TRIM67: variants seen among roughly 807,000 people sequenced by gnomAD.
The protein encoded by TRIM67 is tripartite motif containing 67.
TRIM67 carries 39 observed loss-of-function variants against 71.0 expected under a neutral mutation model. That is an observed-to-expected ratio of 0.55 (90% CI 0.43 to 0.72). The LOEUF is 0.72. TRIM67 is among the 30% of genes least tolerant of loss of function. The pLI is 0.00. For missense variants in TRIM67, 973 were observed against 1,079.2 expected, an observed-to-expected ratio of 0.90 and a Z score of 1.38; for synonymous variants, 481 against 473.9, an observed-to-expected ratio of 1.01 and a Z score of -0.19.
chr1:231,202,532 G>T (rs1333548471), intron 5 of TRIM67, among the ~76,000 whole-genome samples: 3 of 152,108 alleles, frequency 2.0e-5, no homozygotes, highest in African/African-American at 2.4e-5. Context: ...AGCAAATGCT[G>T]GCCAGAACCG....
At chr1:231,180,380 A>G (rs1682866564) in intron 1 of TRIM67, among the ~76,000 whole-genome samples, 1 of 152,178 alleles carries the variant, frequency 6.6e-6, no homozygotes, top group South Asian at 2.1e-4. Context: ...AAAGTCTCTA[A>G]TTAAGAAAAA....
chr1:231,199,210 T>C lies in TRIM67; in HGVS notation c.1263+41T>C, dbSNP rs960882216. ...ACTGACACATTGAATCCCTGCCACA[T>C]CCTCTGCACCCAGCGTGGGGTGGAG... On this transcript the variant is annotated intron_variant, in intron 3 of 9. Coordinates refer to ENST00000366653, the MANE Select transcript of TRIM67 (RefSeq NM_001004342.5). The C allele has an allele frequency of 2.5e-6, 4 of 1,599,810 alleles. No homozygotes were observed. In the Admixed American group the frequency reaches 5.0e-5, roughly 20 times the overall value.
At chr1:231,214,647 C>T (rs1683962872) in intron 9 of TRIM67, among the ~76,000 whole-genome samples, 1 of 151,660 alleles carries the variant, frequency 6.6e-6, no homozygotes, top group Non-Finnish European at 1.5e-5. Context: ...GGCATGGTAG[C>T]GGGTGCCTGT....
rs180962168 is a variant in TRIM67 at position 231,221,526 on chromosome 1, G to T, written c.*6086G>T. On this transcript the variant is annotated 3_prime_UTR_variant, in exon 10 of 10. Transcript: ENST00000366653. ...CTGAGTTTTACCACAGTCTTAAGCA[G>T]ATTTGAAATAAATTCTTTTGACACT... 1.3e-5 allele frequency: 2 copies of T among 152,612 alleles called. No homozygotes were observed. Among genetic ancestry groups the T allele is most frequent in the African/African-American group, 4.8e-5 (2 of 41,438 alleles). The allele number at this position is 152,612 out of a possible 1,614,324, so 9.5% of individuals were successfully genotyped here.
In TRIM67 at chr1:231,206,725, T is replaced by C; in HGVS notation, c.1754T>C (p.Val585Ala). ...LHFNSTYNARVKAFNSSGVGP... is the reference protein window; with the variant it reads ...LHFNSTYNARAKAFNSSGVGP... The stretch of plus-strand genomic sequence containing the variant: ...TTCAACAGCACCTACAACGCCCGAG[T>C]CAAAGCTTTCAACTCTTCTGGTGTC... The change falls in exon 7 of 10, where the codon GTC becomes GCC. Residue 585 changes from valine (V) to alanine (A), a missense_variant. Val to Ala is a moderately conservative substitution (Grantham distance 64, BLOSUM62 0). Transcript: ENST00000366653. 1 of 1,611,060 alleles carries C rather than the reference T, an allele frequency of 6.2e-7. No homozygotes were observed. Among genetic ancestry groups the C allele is most frequent in the Non-Finnish European group, 8.5e-7 (1 of 1,178,774 alleles).
chr1:231,164,110 C>A, intron 1 of TRIM67, 97 bp downstream of exon 1: 1 of 1,335,752 alleles, frequency 7.5e-7, no homozygotes, highest in South Asian at 2.0e-5. Flanking sequence ...GAAAGTCGGT[C>A]AGAGGGTCAG....
At position 231,198,503 on chromosome 1, in the gene TRIM67, C is replaced by T. The variant is rs184787899; in HGVS notation, c.1141-544C>T. On this transcript the variant is annotated intron_variant, in intron 2 of 9. Coordinates refer to ENST00000366653, the MANE Select transcript of TRIM67 (RefSeq NM_001004342.5). ...CCAGGTTCAAGCAATTCTCCTGCCT[C>T]AGCCCCCTGAGTAGCTGGGATTACA... is the stretch of plus-strand genomic sequence containing the variant. Among the ~76,000 whole-genome samples the T allele has an allele frequency of 1.7e-3, 264 of 152,318 alleles. 1 individual carries two copies. Among genetic ancestry groups the T allele is most frequent in the African/African-American group, 6.1e-3 (252 of 41,572 alleles).
intron 1 of TRIM67, among the ~76,000 whole-genome samples, chr1:231,174,152 C>CTTTTTTTTTTTTTTTTTTTTTTT (rs35651112): frequency 2.4e-5 from 3 of 127,352 alleles, no homozygotes; most frequent in Non-Finnish European, 4.9e-5. Flanking sequence ...GTCTTATTTT[C>CTTTTTTTTTTTTTTTTTTTTTTT]TTTTTTTTTT....
Position 231,218,456 on chromosome 1 carries a change from G to T in TRIM67, c.*3016G>T. 1.7e-5 allele frequency: 17 copies of T among 985,530 alleles called. No individual in the cohort carries two copies. Among genetic ancestry groups the T allele is most frequent in the Non-Finnish European group, 2.0e-5 (17 of 830,026 alleles). The allele number at this position is 985,530 out of a possible 1,614,324, so 61.0% of individuals were successfully genotyped here. A position where few individuals can be genotyped will look rare whatever the true frequency, so the allele number is the denominator to read the frequency against. On this transcript the variant is annotated 3_prime_UTR_variant, in exon 10 of 10. Transcript: ENST00000366653. ...GCAGTTGTTCTTTGCTAGTGAGCAA[G>T]CTTGGTCAAAGTGTATGCCTTTTCC...
chr1:231,191,010 C>T (rs1683216195), intron 1 of TRIM67, among the ~76,000 whole-genome samples: 1 of 152,156 alleles, frequency 6.6e-6, no homozygotes, highest in African/African-American at 2.4e-5. Context: ...TCAAGGCTCC[C>T]CACCATATTT....
intron 1 of TRIM67, among the ~76,000 whole-genome samples, chr1:231,190,548 C>T (rs148524689): frequency 1.3e-3 from 195 of 152,260 alleles, no homozygotes; most frequent in African/African-American, 4.6e-3. Context: ...CTTCAGCCTG[C>T]GGCCCCCGGC....
Position 231,209,932 on chromosome 1 carries a change from C to T in TRIM67, c.2123+682C>T, listed in dbSNP as rs1417161284. On this transcript the variant is annotated intron_variant, in intron 8 of 9. Transcript: ENST00000366653. The surrounding 1 kb of genome is among the most constrained non-coding windows in gnomAD (Gnocchi z 4.1). ...GCAGATGGGGATGGGTCCTCCAGGG[C>T]TGCCCCTGAGGCCTGGGCTTCTCTA... Among the ~76,000 whole-genome samples the T allele has an allele frequency of 6.6e-6, 1 of 152,168 alleles. No individual in the cohort carries two copies. The highest frequency in any genetic ancestry group is 1.5e-5 in the Non-Finnish European group (1 of 68,010).
At chr1:231,214,952 T>C (rs113568238) in intron 9 of TRIM67, among the ~76,000 whole-genome samples, 1,852 of 152,194 alleles carry the variant, frequency 0.012, 45 homozygotes, top group African/African-American at 0.042. Flanking sequence ...ACAGATAAGC[T>C]TTTTTTAATC....
At chr1:231,215,316 G>T in intron 9 of TRIM67, 59 bp from the exon 10 acceptor site, 1 of 1,580,178 alleles carries the variant, frequency 6.3e-7, no homozygotes, top group Non-Finnish European at 8.6e-7. Flanking sequence ...TGCTGTCAGA[G>T]CCCTCAGGGT....
At position 231,213,805 on chromosome 1, in the gene TRIM67, C is replaced by A; in HGVS notation, c.2124-10C>A. 1 of 1,572,928 alleles carries A rather than the reference C, an allele frequency of 6.4e-7. No individual in the cohort carries two copies. The highest frequency in any genetic ancestry group is 8.6e-7 in the Non-Finnish European group (1 of 1,156,308). ...TGTGGTGATGGTCTTCCTGGGGACT[C>A]TCTTCCCAGGACGGAAGGTGGCGTG... On this transcript the variant is annotated splice_polypyrimidine_tract_variant and intron_variant, in intron 8 of 9. Coordinates refer to ENST00000366653, the MANE Select transcript of TRIM67 (RefSeq NM_001004342.5).
At chr1:231,199,302 C>T (rs1683457365) in intron 3 of TRIM67, 133 bp downstream of exon 3, 2 of 898,058 alleles carry the variant, frequency 2.2e-6, no homozygotes, top group African/African-American at 1.6e-5. Context: ...ATGAATGAGG[C>T]AAGGAAGGGA....
At position 231,163,356 on chromosome 1, in the gene TRIM67, C is replaced by T. The variant is rs891799507; in HGVS notation, c.387C>T (p.Pro129=). ...CCCCCAACGGGGTTCGCGTGCTGCCCATGGTGCCCGCACCACCCGGCTCCT... is the reference window on the plus strand; with the variant it reads ...CCCCCAACGGGGTTCGCGTGCTGCCTATGGTGCCCGCACCACCCGGCTCCT... ...LKSPNGVRVL[P]MVPAPPGSSA... Residue 129 remains proline, a synonymous_variant, in exon 1 of 10, where the codon CCC becomes CCT. Transcript: ENST00000366653. The T allele has an allele frequency of 3.3e-6, 5 of 1,532,516 alleles. No individual in the cohort carries two copies. The highest frequency in any genetic ancestry group is 4.4e-6 in the Non-Finnish European group (5 of 1,140,036). 94.9% of individuals were successfully genotyped at this position (1,532,516 alleles called of 1,614,324 possible).
chr1:231,192,548 T>C (rs1177073016), intron 1 of TRIM67, among the ~76,000 whole-genome samples: 16 of 152,244 alleles, frequency 1.1e-4, no homozygotes, highest in Non-Finnish European at 2.4e-4. Flanking sequence ...CCACTAGAAT[T>C]ATCAGGTCTG....
At chr1:231,203,044 T>C (rs999310992) in intron 5 of TRIM67, among the ~76,000 whole-genome samples, 6 of 152,158 alleles carry the variant, frequency 3.9e-5, no homozygotes, top group African/African-American at 1.4e-4. Context: ...GCTCGTTAAC[T>C]GAGGCTGGGA....
Sources: allele counts gnomAD v4.1 joint callset (sites outside exome capture counted in the v4.1 genomes callset), GRCh38; gene constraint gnomAD v4.1.1; non-coding constraint Gnocchi (gnomAD v3.1); transcripts MANE v1.5; gene names NCBI Gene and HGNC (gene_info 2026-07-23, HGNC 2026-07-21).